Variants in IDH3B observed in about 807,000 individuals in gnomAD.
IDH3B encodes the protein isocitrate dehydrogenase (NAD(+)) 3 non-catalytic subunit beta, also known as isocitrate dehydrogenase [NAD] subunit beta, mitochondrial.
In IDH3B, 40 loss-of-function variants were observed where a neutral mutation model predicts 47.5. The observed-to-expected ratio is 0.84, with a 90% confidence interval of 0.65 to 1.10. The LOEUF is 1.10. Ranked by LOEUF, IDH3B falls within the 50% of genes least tolerant of loss-of-function variation. IDH3B has a pLI of 0.00. For missense variants in IDH3B, 450 were observed against 505.2 expected (o/e 0.89, Z 1.05); for synonymous variants, 185 against 191.0 (o/e 0.97, Z 0.26).
chr20:2,661,028 G>C (rs2086937796), intron 4 of IDH3B, 59 bp from the exon 5 acceptor site: 1 of 1,433,660 alleles, frequency 7.0e-7, no homozygotes, highest in Admixed American at 1.7e-5. Flanking sequence ...AGGGAACTCA[G>C]ACCAGTGTCT....
In IDH3B at chr20:2,664,005, C is replaced by A. The variant is rs1166223512; in HGVS notation, c.37G>T (p.Ala13Ser). ...ALSGVRWLTR[A>S]LVSAGNPGAW... is the part of the protein sequence containing the mutation. ...CCAGGGTTCCCGGCGGAGACCAGCG[C>A]CTGCAACAGGGACACACAAGCCTGT... The change falls in exon 2 of 12, where the codon GCG becomes TCG. Residue 13 changes from alanine to serine, a missense_variant and splice_region_variant. By Grantham distance (99) the Ala-to-Ser change is moderately conservative. Coordinates refer to ENST00000380843, the MANE Select transcript of IDH3B (RefSeq NM_006899.5). 5 of 1,614,136 alleles carry A rather than the reference C, an allele frequency of 3.1e-6. No homozygotes were observed. In the Admixed American group the frequency reaches 8.3e-5, roughly 27 times the overall value.
At position 2,659,753 on chromosome 20, in the gene IDH3B, A is replaced by C. The variant is rs760988532; in HGVS notation, c.956T>G (p.Ile319Arg). Residue 319 changes from isoleucine (I) to arginine (R), a missense_variant, in exon 10 of 12, where the codon ATA becomes AGA. Ile to Arg is a moderately conservative substitution (Grantham distance 97, BLOSUM62 -3). Coordinates refer to ENST00000380843, the MANE Select transcript of IDH3B (RefSeq NM_006899.5). ...HPFAQAVGRNIANPTAMLLSA... is the reference protein window; with the variant it reads ...HPFAQAVGRNRANPTAMLLSA... ...CAGCAGCATGGCCGTGGGATTGGCT[A>C]TATTCCTGCCCACTGCCTGGGCAAA... The C allele has an allele frequency of 6.2e-7, 1 of 1,614,144 alleles. No individual in the cohort carries two copies. The highest frequency in any genetic ancestry group is 8.5e-7 in the Non-Finnish European group (1 of 1,179,994).
intron 4 of IDH3B, 68 bp downstream of exon 4, chr20:2,663,378 G>A: frequency 6.3e-7 from 1 of 1,575,012 alleles, no homozygotes; most frequent in Non-Finnish European, 8.7e-7. Context: ...TGGGGAGAAG[G>A]GCTTAATAAA....
Position 2,658,807 on chromosome 20 carries a change from T to TG in IDH3B, c.1101dup (p.Thr368HisfsTer16), listed in dbSNP as rs1398398212. 1 of 1,614,054 alleles carries TG rather than the reference T, an allele frequency of 6.2e-7. No individual in the cohort carries two copies. Among genetic ancestry groups the TG allele is most frequent in the East Asian group, 2.2e-5 (1 of 44,888 alleles). ...ACAGACTTGATGAAGTCGGTTGTGGTGCTGTAGCCGCCCATGTCTCGAGTC... is the reference window on the plus strand; with the variant it reads ...ACAGACTTGATGAAGTCGGTTGTGGTGGCTGTAGCCGCCCATGTCTCGAGTC... On this transcript the variant is annotated frameshift_variant, in exon 12 of 12. Transcript: ENST00000380843. LOFTEE classifies it high-confidence loss of function.
At chr20:2,662,282 A>G (rs1227256674) in intron 4 of IDH3B, among the ~76,000 whole-genome samples, 2 of 152,238 alleles carry the variant, frequency 1.3e-5, no homozygotes, top group African/African-American at 2.4e-5. Context: ...AGGGAACAAT[A>G]TAAGTCAGGT....
chr20:2,659,760 T>C lies in IDH3B; in HGVS notation c.949A>G (p.Arg317Gly), dbSNP rs1293952805. 1.2e-6 allele frequency: 2 copies of C among 1,614,132 alleles called. No homozygotes were observed. The highest frequency in any genetic ancestry group is 1.7e-6 in the Non-Finnish European group (2 of 1,179,996). Residue 317 changes from arginine to glycine, a missense_variant, in exon 10 of 12, where the codon AGG (arginine) becomes GGG (glycine). Transcript: ENST00000380843. ...ATGGCCGTGGGATTGGCTATATTCC[T>C]GCCCACTGCCTGGGCAAATGGGTGC... ...ARHPFAQAVG[R>G]NIANPTAMLL...
chr20:2,660,172 A>T lies in IDH3B; in HGVS notation c.773T>A (p.Val258Glu), dbSNP rs764560097. Residue 258 changes from valine to glutamate, a missense_variant, in exon 9 of 12, where the codon GTG becomes GAG. Transcript: ENST00000380843. This position sits in a 1 kb window ranked among gnomAD's most constrained non-coding sequence, Gnocchi z 5.6. ...CACATCAAACTGGTAAGGATTCTGC[A>T]CCAGCTAGAGGGTGAGATGCAGGCA... ...MIIDNCCMQLVQNPYQFDVLV... is the reference protein window; with the variant it reads ...MIIDNCCMQLEQNPYQFDVLV... 1 of 1,614,182 alleles carries T rather than the reference A, an allele frequency of 6.2e-7. No homozygotes were observed. The highest frequency in any genetic ancestry group is 1.1e-5 in the South Asian group (1 of 91,086).
At position 2,660,196 on chromosome 20, in the gene IDH3B, C is replaced by T. The variant is rs767062316; in HGVS notation, c.769-20G>A. On this transcript the variant is annotated intron_variant, in intron 8 of 11. Transcript: ENST00000380843. The surrounding 1 kb of genome is among the most constrained non-coding windows in gnomAD (Gnocchi z 5.6). The stretch of plus-strand genomic sequence containing the variant: ...CACCAGCTAGAGGGTGAGATGCAGG[C>T]ATGAAGTAAATTCCACTCCCCACCC... The T allele has an allele frequency of 6.2e-7, 1 of 1,614,142 alleles. No homozygotes were observed. The highest frequency in any genetic ancestry group is 1.1e-5 in the South Asian group (1 of 91,078).
In IDH3B at chr20:2,663,703, C is replaced by T. The variant is rs2086991052; in HGVS notation, c.173G>A (p.Gly58Asp). The T allele has an allele frequency of 6.2e-7, 1 of 1,614,236 alleles. No homozygotes were observed. The highest frequency in any genetic ancestry group is 8.5e-7 in the Non-Finnish European group (1 of 1,180,056). Residue 58 changes from glycine (G) to aspartate (D), a missense_variant, in exon 3 of 12, where the codon GGT (glycine) becomes GAT (aspartate). Coordinates refer to ENST00000380843, the MANE Select transcript of IDH3B (RefSeq NM_006899.5). ...GGCGTGCATCAGCTCAGGCCCCACA[C>T]CGTCTCCCGGAAGCATGGTCACGGG... ...SFPVTMLPGDGVGPELMHAVK... is the reference protein window; with the variant it reads ...SFPVTMLPGDDVGPELMHAVK...
In IDH3B at chr20:2,663,734, A is replaced by G. The variant is rs1200058441; in HGVS notation, c.142T>C (p.Ser48Pro). The change falls in exon 3 of 12, where the codon TCC becomes CCC. Residue 48 changes from serine (S) to proline (P), a missense_variant. Coordinates refer to ENST00000380843, the MANE Select transcript of IDH3B (RefSeq NM_006899.5). Reference protein sequence around the residue: ...SQAEDVRVEGSFPVTMLPGDG... With the variant: ...SQAEDVRVEGPFPVTMLPGDG... ...CCCGGAAGCATGGTCACGGGAAAGG[A>G]GCCCTCCACCCTCACGTCCTCGGCC... 2 of 1,614,142 alleles carry G rather than the reference A, an allele frequency of 1.2e-6. No individual in the cohort carries two copies. Among genetic ancestry groups the G allele is most frequent in the Admixed American group, 3.3e-5 (2 of 60,024 alleles).
At chr20:2,661,204 C>T (rs3221497) in intron 4 of IDH3B, among the ~76,000 whole-genome samples, 68 of 90,696 alleles carry the variant, frequency 7.5e-4, no homozygotes, top group South Asian at 3.0e-3. Context: ...TGTGTGTGTG[C>T]GTGTGTGAGA....
At chr20:2,659,436 C>T (rs1386694807) in intron 11 of IDH3B, 89 bp downstream of exon 11, 1 of 1,534,642 alleles carries the variant, frequency 6.5e-7, no homozygotes, top group Non-Finnish European at 9.0e-7. Context: ...AAAGGAGACC[C>T]CCATTCAGGT....
At chr20:2,659,153 T>A in intron 11 of IDH3B, 1 of 1,434,006 alleles carries the variant, frequency 7.0e-7, no homozygotes, top group Admixed American at 2.9e-5. Context: ...AAGGAAAGAA[T>A]CACAGCGAAA....
chr20:2,663,895 AAG>A, intron 2 of IDH3B, 28 bp downstream of exon 2: 2 of 1,610,976 alleles, frequency 1.2e-6, no homozygotes, highest in Non-Finnish European at 1.7e-6. Context: ...ACAGGGTCGT[AAG>A]AGAGACCCCA....
rs2086927500 is a variant in IDH3B, at chr20:2,660,604, A to T, written c.532-14T>A. ...ACCCCTTGCACTCTGGGTAAGAAGAAAGCAGCAGCTAGGTGACACTGGGAA... is the reference window on the plus strand; with the variant it reads ...ACCCCTTGCACTCTGGGTAAGAAGATAGCAGCAGCTAGGTGACACTGGGAA... On this transcript the variant is annotated splice_polypyrimidine_tract_variant and intron_variant, in intron 6 of 11. Coordinates refer to ENST00000380843, the MANE Select transcript of IDH3B (RefSeq NM_006899.5). This position sits in a 1 kb window ranked among gnomAD's most constrained non-coding sequence, Gnocchi z 5.6. The T allele has an allele frequency of 1.2e-6, 2 of 1,614,098 alleles. No homozygotes were observed. Among genetic ancestry groups the T allele is most frequent in the East Asian group, 4.5e-5 (2 of 44,866 alleles).
rs151027738 is a variant in IDH3B, at chr20:2,658,833, C to A, written c.1076G>T (p.Arg359Leu). 6.2e-7 allele frequency: 1 copy of A among 1,614,024 alleles called. No individual in the cohort carries two copies. ...GCTGTAGCCGCCCATGTCTCGAGTC[C>A]GCACCTACAGCCACCACCGGCAACA... ...VKKVIKVGKV[R>L]TRDMGGYSTT... Residue 359 changes from arginine (R) to leucine (L), a missense_variant, in exon 12 of 12, where the codon CGG (arginine) becomes CTG (leucine). Physicochemically the swap from Arg to Leu is moderately radical, Grantham distance 102. Coordinates refer to ENST00000380843, the MANE Select transcript of IDH3B (RefSeq NM_006899.5).
Position 2,658,484 on chromosome 20 carries a change from A to G in IDH3B, c.*267T>C. On this transcript the variant is annotated 3_prime_UTR_variant, in exon 12 of 12. Coordinates refer to ENST00000380843, the MANE Select transcript of IDH3B (RefSeq NM_006899.5). ...CAGCAATGACAGCCTCAGTGAAGTC[A>G]TGGCAAGTAGCATAGCCACCCATGT... 1 of 1,614,080 alleles carries G rather than the reference A, an allele frequency of 6.2e-7. No homozygotes were observed. The highest frequency in any genetic ancestry group is 8.5e-7 in the Non-Finnish European group (1 of 1,180,026).
At chr20:2,663,803 G>C (rs1044059051) in intron 2 of IDH3B, 45 bp from the exon 3 acceptor site, 5 of 1,606,846 alleles carry the variant, frequency 3.1e-6, no homozygotes, top group Non-Finnish European at 4.3e-6. Context: ...AGCTGGGGCG[G>C]GAGCACGGAT....
intron 9 of IDH3B, 79 bp from the exon 10 acceptor site, chr20:2,659,872 TGGGAGGGGGA>T: frequency 7.0e-7 from 1 of 1,427,198 alleles, no homozygotes; most frequent in Non-Finnish European, 9.9e-7. Context: ...AAGGACATTA[TGGGAGGGGGA>T]GCTCAGGCCA....
Sources: allele counts gnomAD v4.1 joint callset (sites outside exome capture counted in the v4.1 genomes callset), GRCh38; gene constraint gnomAD v4.1.1; non-coding constraint Gnocchi (gnomAD v3.1); transcripts MANE v1.5; gene names NCBI Gene and HGNC (gene_info 2026-07-23, HGNC 2026-07-21).